The following CDH4 variants were observed in gnomAD, a reference collection of about 807,000 sequenced individuals.
The protein encoded by CDH4 is cadherin-4.
A neutral mutation model predicts 86.0 loss-of-function variants in CDH4; 33 were observed. That is an observed-to-expected ratio of 0.38 (90% CI 0.29 to 0.51). CDH4 has a LOEUF of 0.51. CDH4 is among the 20% of genes least tolerant of loss of function. The probability of loss-of-function intolerance (pLI) is 0.86; values close to 1 mark genes in which losing one functional copy is unlikely to be tolerated. For missense variants in CDH4, 1,114 were observed against 1,307.4 expected (o/e 0.85, Z 2.28); for synonymous variants, 555 against 549.4 (o/e 1.01, Z -0.14).
chr20:61,378,534 C>T (rs551426079), intron 2 of CDH4, among the ~76,000 whole-genome samples: 7 of 152,268 alleles, frequency 4.6e-5, no homozygotes, highest in South Asian at 2.1e-4. Context: ...TCTGTCTTCC[C>T]GCGGCCTTCT....
intron 2 of CDH4, among the ~76,000 whole-genome samples, chr20:61,547,891 C>T (rs941212305): frequency 1.7e-4 from 26 of 152,216 alleles, no homozygotes; most frequent in Admixed American, 1.1e-3. Context: ...TATCCGTGTT[C>T]GCACATCTAT....
intron 2 of CDH4, among the ~76,000 whole-genome samples, chr20:61,624,133 C>T (rs2086806153): frequency 6.6e-6 from 1 of 152,158 alleles, no homozygotes; most frequent in South Asian, 2.1e-4. Context: ...CAGAAGGCTG[C>T]TAGAAGGGTA....
At position 61,588,274 on chromosome 20, in the gene CDH4, A is replaced by C. The variant is rs76191154; in HGVS notation, c.170-155289A>C. On this transcript the variant is annotated intron_variant, in intron 2 of 15. Coordinates refer to ENST00000614565, the MANE Select transcript of CDH4 (RefSeq NM_001794.5). ...ATTGGTTTCCAAGATGGTTAAACCA[A>C]GATAACACCAAATCTAAGAACTAGG... Among the ~76,000 whole-genome samples, 700 of 152,352 alleles carry C rather than the reference A, an allele frequency of 4.6e-3. 4 individuals are homozygous for C. Among genetic ancestry groups the C allele is most frequent in the African/African-American group, 0.016 (662 of 41,576 alleles).
chr20:61,679,471 T>C (rs1464604001), intron 2 of CDH4, among the ~76,000 whole-genome samples: 1 of 152,080 alleles, frequency 6.6e-6, no homozygotes, highest in East Asian at 1.9e-4. Flanking sequence ...GGACCACTGG[T>C]CCAAGAAAAC....
At chr20:61,627,158 C>T (rs967705624) in intron 2 of CDH4, among the ~76,000 whole-genome samples, 2 of 152,144 alleles carry the variant, frequency 1.3e-5, no homozygotes, top group Non-Finnish European at 2.9e-5. Flanking sequence ...TAAATTCTGT[C>T]TAGACACAGG....
intron 11 of CDH4, among the ~76,000 whole-genome samples, chr20:61,926,992 C>CG (rs1286937379): frequency 1.3e-5 from 2 of 152,134 alleles, no homozygotes; most frequent in Non-Finnish European, 2.9e-5. Flanking sequence ...GCAGGAGCCC[C>CG]CCGGTTAACA....
intron 2 of CDH4, among the ~76,000 whole-genome samples, chr20:61,474,426 C>T (rs926256919): frequency 2.0e-5 from 3 of 151,110 alleles, no homozygotes; most frequent in Non-Finnish European, 2.9e-5. Context: ...CCGCTCACCT[C>T]GGCCTCCCAA....
At chr20:61,915,489 C>G (rs1478609477) in intron 9 of CDH4, among the ~76,000 whole-genome samples, 1 of 152,210 alleles carries the variant, frequency 6.6e-6, no homozygotes, top group East Asian at 1.9e-4. Context: ...CGGTCCCCAG[C>G]CCAGGGGCCC....
chr20:61,374,331 G>C (rs2084855280), intron 2 of CDH4, among the ~76,000 whole-genome samples: 1 of 152,184 alleles, frequency 6.6e-6, no homozygotes, highest in Admixed American at 6.5e-5. Context: ...CTGGAGGAAA[G>C]GTGCAGTTTG....
At chr20:61,887,514 TACAC>T (rs1568867873) in intron 7 of CDH4, among the ~76,000 whole-genome samples, 1 of 152,052 alleles carries the variant, frequency 6.6e-6, no homozygotes, top group Admixed American at 6.5e-5. Flanking sequence ...CAAGCACGCA[TACAC>T]ACATGCACAC....
Position 61,879,334 on chromosome 20 carries a change from T to C in CDH4, c.1050+5434T>C, listed in dbSNP as rs1984182587. 6.6e-6 allele frequency among the ~76,000 whole-genome samples: 1 copy of C among 152,176 alleles called. No individual in the cohort carries two copies. The highest frequency in any genetic ancestry group is 6.5e-5 in the Admixed American group (1 of 15,280). ...TGCATCGGCCGGACAGCTCAGCCAC[T>C]TCTGAAAAGGACACATCGGTAGTTC... On this transcript the variant is annotated intron_variant, in intron 7 of 15. Coordinates refer to ENST00000614565, the MANE Select transcript of CDH4 (RefSeq NM_001794.5). The surrounding 1 kb of genome is among the most constrained non-coding windows in gnomAD (Gnocchi z 4.1).
chr20:61,326,631 G>A (rs1478456069), intron 2 of CDH4, among the ~76,000 whole-genome samples: 1 of 152,174 alleles, frequency 6.6e-6, no homozygotes, highest in African/African-American at 2.4e-5. Flanking sequence ...GGAAGACACT[G>A]GGGGTCATGG....
At chr20:61,619,145 C>G (rs2086749273) in intron 2 of CDH4, among the ~76,000 whole-genome samples, 1 of 152,200 alleles carries the variant, frequency 6.6e-6, no homozygotes, top group Admixed American at 6.5e-5. Context: ...GACATTGCCA[C>G]CCTGCAGATA....
At chr20:61,881,588 C>T (rs570449712) in intron 7 of CDH4, among the ~76,000 whole-genome samples, 249 of 152,290 alleles carry the variant, frequency 1.6e-3, no homozygotes, top group Admixed American at 4.3e-3. Flanking sequence ...TGGGCCCAGG[C>T]GGCTGGGGTC....
At chr20:61,688,310 C>A (rs2087611414) in intron 2 of CDH4, among the ~76,000 whole-genome samples, 1 of 152,004 alleles carries the variant, frequency 6.6e-6, no homozygotes, top group African/African-American at 2.4e-5. Flanking sequence ...CTCCCTCCTC[C>A]CACCTTCCTC....
intron 6 of CDH4, among the ~76,000 whole-genome samples, chr20:61,865,723 G>A (rs1218749432): frequency 1.3e-5 from 2 of 150,850 alleles, no homozygotes; most frequent in Non-Finnish European, 2.9e-5. Flanking sequence ...TTAGTTTCCT[G>A]GACAGGTTAG....
chr20:61,444,765 G>T (rs531208160), intron 2 of CDH4, among the ~76,000 whole-genome samples: 1 of 144,142 alleles, frequency 6.9e-6, no homozygotes, highest in African/African-American at 2.6e-5. Context: ...GTATATTTGT[G>T]TGTTTCTGCA....
rs1380807688 is a variant in CDH4, at chr20:61,879,156, A to G, written c.1050+5256A>G. ...GCAGTGTAGACGCCAAGCGAGCACC[A>G]GTTCAGCTCCCCCGGGACCCGGCCT... On this transcript the variant is annotated intron_variant, in intron 7 of 15. Coordinates refer to ENST00000614565, the MANE Select transcript of CDH4 (RefSeq NM_001794.5). The surrounding 1 kb of genome is among the most constrained non-coding windows in gnomAD (Gnocchi z 4.1). Among the ~76,000 whole-genome samples, 1 of 152,184 alleles carries G rather than the reference A, an allele frequency of 6.6e-6. No homozygotes were observed. The highest frequency in any genetic ancestry group is 1.5e-5 in the Non-Finnish European group (1 of 68,024).
chr20:61,541,214 T>C (rs1191265546), intron 2 of CDH4, among the ~76,000 whole-genome samples: 1 of 152,186 alleles, frequency 6.6e-6, no homozygotes, highest in Admixed American at 6.5e-5. Context: ...TCCCGGCTCA[T>C]GTGCTGCCCT....
Sources: gnomAD v4.1 joint callset for allele counts (sites outside exome capture counted in the v4.1 genomes callset) on GRCh38, gnomAD v4.1.1 for gene constraint, Gnocchi (gnomAD v3.1) non-coding constraint, MANE v1.5 for transcripts, NCBI Gene and HGNC (gene_info 2026-07-23, HGNC 2026-07-21) for gene names.